The following GRID1 variants were observed in gnomAD, a reference collection of about 807,000 sequenced individuals.
The protein encoded by GRID1 is glutamate receptor ionotropic, delta-1.
A neutral mutation model predicts 98.0 loss-of-function variants in GRID1; 28 were observed. That is an observed-to-expected ratio of 0.29 (90% confidence interval 0.21 to 0.39). GRID1 has a LOEUF of 0.39. Ranked by LOEUF, GRID1 falls within the 10% of genes least tolerant of loss-of-function variation. The probability of loss-of-function intolerance (pLI) is 1.00; values close to 1 mark genes in which losing one functional copy is unlikely to be tolerated. For missense variants in GRID1, 1,111 were observed against 1,340.5 expected, an observed-to-expected ratio of 0.83 and a Z score of 2.67; for synonymous variants, 553 against 538.5, an observed-to-expected ratio of 1.03 and a Z score of -0.37.
chr10:85,956,248 C>T (rs966007702), intron 4 of GRID1, among the ~76,000 whole-genome samples: 3 of 152,148 alleles, frequency 2.0e-5, no homozygotes, highest in Non-Finnish European at 4.4e-5. Flanking sequence ...TGTGCAAGTC[C>T]TGCACTCCAG....
At chr10:86,246,801 C>T (rs572267666) in intron 2 of GRID1, among the ~76,000 whole-genome samples, 19 of 152,362 alleles carry the variant, frequency 1.2e-4, no homozygotes, top group East Asian at 3.9e-4. Context: ...CAACCCCCTA[C>T]ACAGGGCCTC....
chr10:85,845,480 C>T (rs1484983222), intron 8 of GRID1, among the ~76,000 whole-genome samples: 1 of 152,104 alleles, frequency 6.6e-6, no homozygotes, highest in Non-Finnish European at 1.5e-5. Flanking sequence ...ATTAACACTT[C>T]CCAAATTGAT....
At chr10:85,942,455 TC>T (rs1842007450) in intron 4 of GRID1, among the ~76,000 whole-genome samples, 1 of 152,166 alleles carries the variant, frequency 6.6e-6, no homozygotes, top group Non-Finnish European at 1.5e-5. Flanking sequence ...ACTAGGGGGA[TC>T]CCCACCCTAA....
intron 3 of GRID1, among the ~76,000 whole-genome samples, chr10:86,199,542 T>C (rs1389074238): frequency 1.3e-5 from 2 of 152,114 alleles, no homozygotes; most frequent in East Asian, 3.9e-4. Context: ...TCTCCAGCCA[T>C]ATGGCCTAGA....
At chr10:85,835,176 G>A (rs1842902130) in intron 8 of GRID1, among the ~76,000 whole-genome samples, 2 of 152,116 alleles carry the variant, frequency 1.3e-5, no homozygotes, top group South Asian at 4.1e-4. Context: ...CAAAATGCAT[G>A]AAGAAAAAAC....
At chr10:85,918,723 G>GAGACAACT (rs1412811600) in intron 4 of GRID1, among the ~76,000 whole-genome samples, 1 of 152,178 alleles carries the variant, frequency 6.6e-6, no homozygotes, top group African/African-American at 2.4e-5. Flanking sequence ...TTCAATATAG[G>GAGACAACT]AGACAACTTT....
rs1219842316 is a variant in GRID1, at chr10:86,237,138, A to T, written c.236-30490T>A. ...TGCCATTTCTCACTACGCTCCTGGG[A>T]GGAGGTGACATTACCTCCTATGTTA... On this transcript the variant is annotated intron_variant, in intron 2 of 15. Transcript: ENST00000327946. 2.0e-5 allele frequency among the ~76,000 whole-genome samples: 3 copies of T among 152,098 alleles called. No homozygotes were observed. The East Asian group carries it at 5.8e-4, about 29-fold the overall frequency.
chr10:86,146,641 C>T (rs754514028), intron 3 of GRID1, among the ~76,000 whole-genome samples: 2 of 152,210 alleles, frequency 1.3e-5, no homozygotes, highest in Admixed American at 6.5e-5. Flanking sequence ...CCTCCCTTCC[C>T]GCCCTCTTCC....
chr10:85,887,817 C>T (rs1454624214), intron 5 of GRID1, among the ~76,000 whole-genome samples: 4 of 152,140 alleles, frequency 2.6e-5, no homozygotes, highest in Admixed American at 1.3e-4. Flanking sequence ...GTGTCTAGCC[C>T]GAAGTTTTGC....
chr10:85,861,260 G>A (rs1180216866), intron 6 of GRID1, among the ~76,000 whole-genome samples: 1 of 152,164 alleles, frequency 6.6e-6, no homozygotes, highest in African/African-American at 2.4e-5. Context: ...TATAGCTTGA[G>A]GGTCAGAGAT....
chr10:86,074,165 T>C (rs1843845053), intron 4 of GRID1, among the ~76,000 whole-genome samples: 1 of 152,244 alleles, frequency 6.6e-6, no homozygotes, highest in Admixed American at 6.5e-5. Flanking sequence ...TTGCATGTTA[T>C]GTGTAGCGAT....
intron 2 of GRID1, among the ~76,000 whole-genome samples, chr10:86,278,348 C>T (rs1847304150): frequency 6.6e-6 from 1 of 152,002 alleles, no homozygotes; most frequent in Admixed American, 6.6e-5. Context: ...ATCCAGTGAC[C>T]TGGGTTTCTA....
At chr10:85,658,403 A>AC (rs1204264133) in intron 12 of GRID1, among the ~76,000 whole-genome samples, 1 of 151,664 alleles carries the variant, frequency 6.6e-6, no homozygotes, top group Non-Finnish European at 1.5e-5. Context: ...TATTATTTCT[A>AC]CCCCCCTCAT....
intron 3 of GRID1, among the ~76,000 whole-genome samples, chr10:86,166,990 G>GC (rs1246843317): frequency 1.3e-5 from 2 of 152,230 alleles, no homozygotes; most frequent in African/African-American, 4.8e-5. Flanking sequence ...GGAATCTGGG[G>GC]CCTATTGGCA....
chr10:86,043,506 T>C lies in GRID1; in HGVS notation c.726+95313A>G, dbSNP rs148428035. On this transcript the variant is annotated intron_variant, in intron 4 of 15. Transcript: ENST00000327946. ...TCCTGCGGGCCTGTTGCTGGCAGCC[T>C]GGTGATCCTTGCCCTCATTACTGGC... Among the ~76,000 whole-genome samples the C allele has an allele frequency of 8.8e-3, 1,345 of 152,272 alleles. 10 individuals are homozygous for C. Among genetic ancestry groups the C allele is most frequent in the Middle Eastern group, 0.017 (5 of 294 alleles).
chr10:85,810,685 C>T lies in GRID1; in HGVS notation c.1233+43811G>A, dbSNP rs1842663941. ...GCCCCGGCCGACATGCCCCTAAGCT[C>T]CCAAGCATCTGCATCATCATATTCC... On this transcript the variant is annotated intron_variant, in intron 8 of 15. Transcript: ENST00000327946. 2.0e-5 allele frequency among the ~76,000 whole-genome samples: 3 copies of T among 152,146 alleles called. No individual in the cohort carries two copies. The South Asian group carries it at 6.2e-4, about 32-fold the overall frequency.
intron 8 of GRID1, among the ~76,000 whole-genome samples, chr10:85,852,416 G>T (rs1464651996): frequency 6.6e-6 from 1 of 152,118 alleles, no homozygotes; most frequent in Non-Finnish European, 1.5e-5. Flanking sequence ...AGGACATAGT[G>T]CCTCCCCCTC....
intron 5 of GRID1, among the ~76,000 whole-genome samples, chr10:85,879,014 G>A (rs554778925): frequency 1.3e-5 from 2 of 151,486 alleles, no homozygotes; most frequent in Non-Finnish European, 3.0e-5. Flanking sequence ...AAGATCAAAA[G>A]AGACAAAGAA....
At chr10:86,329,497 G>A (rs897493283) in intron 2 of GRID1, among the ~76,000 whole-genome samples, 3 of 152,198 alleles carry the variant, frequency 2.0e-5, no homozygotes, top group African/African-American at 7.2e-5. Flanking sequence ...TTGGCAAGGA[G>A]CCCCCTGCCT....
Sources: allele counts gnomAD v4.1 joint callset (sites outside exome capture counted in the v4.1 genomes callset), GRCh38; gene constraint gnomAD v4.1.1; transcripts MANE v1.5; gene names NCBI Gene and HGNC (gene_info 2026-07-23, HGNC 2026-07-21).